NCAPG: variants seen among roughly 807,000 people sequenced by gnomAD.
NCAPG encodes the protein non-SMC condensin I complex subunit G, also known as condensin complex subunit 3.
A neutral mutation model predicts 113.1 loss-of-function variants in NCAPG; 69 were observed. The ratio of observed to expected loss-of-function variants is 0.61; its 90% CI spans 0.50 to 0.75. The LOEUF is 0.75. Ranked by LOEUF, NCAPG falls within the 30% of genes least tolerant of loss-of-function variation. The pLI, the probability that NCAPG is intolerant of heterozygous loss-of-function variation, is 0.00. For synonymous variants in NCAPG, 370 were observed against 415.8 expected (o/e 0.89, Z 1.34); for missense variants, 1,058 against 1,177.0 (o/e 0.90, Z 1.48).
chr4:17,815,421 T>C (rs552168639), intron 5 of NCAPG, 63 bp downstream of exon 5: 200 of 1,234,192 alleles, frequency 1.6e-4, no homozygotes, highest in Middle Eastern at 2.6e-4. Flanking sequence ...CTTAACAAGG[T>C]TTAAGAAACG....
rs566543649 is a variant in NCAPG, at chr4:17,815,088, A to G, written c.690+90A>G. The stretch of plus-strand genomic sequence containing the variant: ...GCCTTTGAAAAATACTTGGCATGTA[A>G]TAATTTCTTCAGTTGAGGTTTTATG... On this transcript the variant is annotated intron_variant, in intron 4 of 20. Transcript: ENST00000251496. 81 of 1,528,452 alleles carry G rather than the reference A, an allele frequency of 5.3e-5. 1 individual carries two copies. The East Asian group carries it at 1.8e-3, about 33-fold the overall frequency. The allele number at this position is 1,528,452 out of a possible 1,614,324, so 94.7% of individuals were successfully genotyped here. A position where few individuals can be genotyped will look rare whatever the true frequency, so the allele number is the denominator to read the frequency against.
At chr4:17,820,083 T>A (rs1650185282) in intron 7 of NCAPG, among the ~76,000 whole-genome samples, 1 of 152,078 alleles carries the variant, frequency 6.6e-6, no homozygotes, top group African/African-American at 2.4e-5. Context: ...ATATAAAAGA[T>A]GTTTATAGAA....
In NCAPG at chr4:17,812,390, G is replaced by A. The variant is rs772073077; in HGVS notation, c.281G>A (p.Gly94Asp). ...MEDDEEEEDG[G>D]LLNYLFTFLL... ...GATGATGAGGAAGAGGAAGATGGTG[G>A]CCTTTTAAATTATTTGTTTACTTTT... Residue 94 changes from glycine (G) to aspartate (D), a missense_variant, in exon 2 of 21, where the codon GGC becomes GAC. Physicochemically the swap from Gly to Asp is moderately conservative, Grantham distance 94. Transcript: ENST00000251496. 2 of 1,613,570 alleles carry A rather than the reference G, an allele frequency of 1.2e-6. No individual in the cohort carries two copies. The highest frequency in any genetic ancestry group is 8.5e-7 in the Non-Finnish European group (1 of 1,179,784).
chr4:17,830,662 C>T (rs1167046209), intron 12 of NCAPG, among the ~76,000 whole-genome samples: 2 of 150,838 alleles, frequency 1.3e-5, no homozygotes, highest in African/African-American at 4.9e-5. Flanking sequence ...GCATTGAATC[C>T]AAGCCAGACT....
chr4:17,823,225 CT>C (rs975429026), intron 8 of NCAPG, 102 bp downstream of exon 8: 2 of 1,141,538 alleles, frequency 1.8e-6, no homozygotes, highest in African/African-American at 3.3e-5. Context: ...CCCTAGCTCT[CT>C]AAAGTGGTAT....
At chr4:17,818,141 A>G (rs917660558) in intron 7 of NCAPG, 53 bp downstream of exon 7, 16 of 1,528,176 alleles carry the variant, frequency 1.0e-5, no homozygotes, top group African/African-American at 7.0e-5. Flanking sequence ...GCATGTGTCA[A>G]TCTCCCAGTC....
chr4:17,825,521 A>G lies in NCAPG; in HGVS notation c.1613A>G (p.Glu538Gly), dbSNP rs200400225. 8.1e-6 allele frequency: 13 copies of G among 1,598,178 alleles called. No individual in the cohort carries two copies. In the Admixed American group the frequency reaches 1.1e-4, roughly 14 times the overall value. ...GATGCCAGAATAAACCTTTTGAAAG[A>G]GACAGAGCAACTTGAAATTAAAGAA... ...LEDARINLLKETEQLEIKEVH... is the reference protein window; with the variant it reads ...LEDARINLLKGTEQLEIKEVH... The change falls in exon 11 of 21, where the codon GAG (glutamate) becomes GGG (glycine). Residue 538 changes from glutamate (E) to glycine (G), a missense_variant. By Grantham distance (98) the Glu-to-Gly change is moderately conservative (BLOSUM62 -2). Transcript: ENST00000251496.
Position 17,839,845 on chromosome 4 carries a change from A to C in NCAPG, c.2628+8A>C. On this transcript the variant is annotated splice_region_variant and intron_variant, in intron 17 of 20. Coordinates refer to ENST00000251496, the MANE Select transcript of NCAPG (RefSeq NM_022346.5). ...TTGAATGAGATTCTGGAGGTAAAGT[A>C]GTTTCTCATTACTCTAAATTAGTTT... 2 of 1,574,126 alleles carry C rather than the reference A, an allele frequency of 1.3e-6. No homozygotes were observed. The highest frequency in any genetic ancestry group is 1.7e-6 in the Non-Finnish European group (2 of 1,169,742).
chr4:17,828,206 C>T (rs370374721), intron 11 of NCAPG, 72 bp from the exon 12 acceptor site: 3 of 1,024,836 alleles, frequency 2.9e-6, no homozygotes, highest in African/African-American at 3.2e-5. Context: ...CTACACAAAG[C>T]CCTGAGAAAG....
rs1721002504 is a variant in NCAPG, at chr4:17,812,131, A to G, written c.112-90A>G. The G allele has an allele frequency of 5.4e-6, 5 of 930,158 alleles. No homozygotes were observed. In the South Asian group the frequency reaches 6.1e-5, roughly 11 times the overall value. The allele number at this position is 930,158 out of a possible 1,614,324, so 57.6% of individuals were successfully genotyped here. ...AATATTTTAATTTGTCTGCATTATT[A>G]TGGCTAGTGCTTTCATCAGTCTTAG... On this transcript the variant is annotated intron_variant, in intron 1 of 20. Transcript: ENST00000251496.
intron 8 of NCAPG, among the ~76,000 whole-genome samples, 178 bp downstream of exon 8, chr4:17,823,301 A>G (rs1212370115): frequency 3.9e-5 from 6 of 152,134 alleles, no homozygotes; most frequent in African/African-American, 9.6e-5. Context: ...TTCTAGTTCA[A>G]TTTCCTCAGA....
chr4:17,828,816 CA>C (rs1012110820), intron 12 of NCAPG, among the ~76,000 whole-genome samples: 46 of 151,812 alleles, frequency 3.0e-4, no homozygotes, highest in Non-Finnish European at 5.3e-4. Flanking sequence ...AGGTAATTCC[CA>C]TAGGGACACA....
Position 17,834,610 on chromosome 4 carries a change from T to C in NCAPG, c.2109+87T>C. The C allele has an allele frequency of 5.7e-6, 5 of 875,326 alleles. No homozygotes were observed. In the South Asian group the frequency reaches 1.1e-4, roughly 20 times the overall value. 54.2% of individuals were successfully genotyped at this position (875,326 alleles called of 1,614,324 possible). On this transcript the variant is annotated intron_variant, in intron 14 of 20. Coordinates refer to ENST00000251496, the MANE Select transcript of NCAPG (RefSeq NM_022346.5). ...TTATTATTTTTTAAATTTATTATAG[T>C]TTAAGTCCTGTGATACATGTGCAGA...
intron 14 of NCAPG, among the ~76,000 whole-genome samples, chr4:17,834,826 G>A (rs1722028067): frequency 6.6e-6 from 1 of 151,948 alleles, no homozygotes; most frequent in South Asian, 2.1e-4. Flanking sequence ...TTTAAATTTG[G>A]ATAGACATTT....
chr4:17,813,133 C>G lies in NCAPG; in HGVS notation c.532C>G (p.Pro178Ala). The G allele has an allele frequency of 6.2e-7, 1 of 1,612,850 alleles. No homozygotes were observed. Among genetic ancestry groups the G allele is most frequent in the Non-Finnish European group, 8.5e-7 (1 of 1,179,048 alleles). The change falls in exon 3 of 21, where the codon CCA becomes GCA. Residue 178 changes from proline to alanine, a missense_variant. Transcript: ENST00000251496. ...RLQDPKDDEC[P>A]VVNAYATLIE... ...TCAGGATCCCAAGGATGATGAATGC[C>G]CAGTGGTTAATGGTGTGTGTAGTTT...
Position 17,843,506 on chromosome 4 carries a change from C to G in NCAPG, c.*81C>G. On this transcript the variant is annotated 3_prime_UTR_variant, in exon 21 of 21. Transcript: ENST00000251496. ...AAGAAGAAGTTACCCTTGTCAAAATCAGAACAAACCTGATGTCTTTCTGAA... is the reference window on the plus strand; with the variant it reads ...AAGAAGAAGTTACCCTTGTCAAAATGAGAACAAACCTGATGTCTTTCTGAA... The G allele has an allele frequency of 6.8e-7, 1 of 1,474,610 alleles. No individual in the cohort carries two copies. The highest frequency in any genetic ancestry group is 1.2e-5 in the South Asian group (1 of 82,040). The allele number at this position is 1,474,610 out of a possible 1,614,324, so 91.3% of individuals were successfully genotyped here. A position where few individuals can be genotyped will look rare whatever the true frequency, so the allele number is the denominator to read the frequency against.
At chr4:17,839,945 T>G (rs1290216750) in intron 17 of NCAPG, 108 bp downstream of exon 17, 1 of 1,440,648 alleles carries the variant, frequency 6.9e-7, no homozygotes, top group Non-Finnish European at 9.3e-7. Flanking sequence ...GTGACTTATT[T>G]GAAGTATTTT....
In NCAPG at chr4:17,840,620, A is replaced by G; in HGVS notation, c.2781A>G (p.Glu927=). 6.7e-7 allele frequency: 1 copy of G among 1,496,790 alleles called. No homozygotes were observed. Among genetic ancestry groups the G allele is most frequent in the South Asian group, 1.4e-5 (1 of 69,914 alleles). The allele number at this position is 1,496,790 out of a possible 1,614,324, so 92.7% of individuals were successfully genotyped here. A position where few individuals can be genotyped will look rare whatever the true frequency, so the allele number is the denominator to read the frequency against. The change falls in exon 19 of 21, where the codon GAA becomes GAG. Residue 927 remains glutamate (E), a synonymous_variant. Coordinates refer to ENST00000251496, the MANE Select transcript of NCAPG (RefSeq NM_022346.5). Reference sequence around the variant, plus strand: ...TCCCTTTAATAGAAAAGAATAAAGAAGTATATATGACTCCACTCAGGGGTG... The same window carrying G: ...TCCCTTTAATAGAAAAGAATAAAGAGGTATATATGACTCCACTCAGGGGTG... The part of the protein sequence containing the change: ...TFQNEDEKNK[E]VYMTPLRGVK...
At chr4:17,816,211 T>G (rs921549415) in intron 5 of NCAPG, among the ~76,000 whole-genome samples, 1 of 152,124 alleles carries the variant, frequency 6.6e-6, no homozygotes, top group African/African-American at 2.4e-5. Flanking sequence ...ATTACTTAGA[T>G]TCTCATAAGG....
Sources: gnomAD v4.1 joint callset for allele counts (sites outside exome capture counted in the v4.1 genomes callset) on GRCh38, gnomAD v4.1.1 for gene constraint, MANE v1.5 for transcripts, NCBI Gene and HGNC (gene_info 2026-07-23, HGNC 2026-07-21) for gene names.